GARIN6: variants seen among roughly 807,000 people sequenced by gnomAD.
The protein encoded by GARIN6 is Golgi-associated RAB2 interactor protein 6.
the GARIN6 span, chr12:99,649,162 TATAC>T: frequency 1.3e-6 from 1 of 769,814 alleles, no homozygotes; most frequent in Non-Finnish European, 2.2e-6. Flanking sequence ...TTGCCACTTA[TATAC>T]ATTGGTGGCA....
At chr12:99,649,137 C>T in the GARIN6 span, 19 of 677,388 alleles carry the variant, frequency 2.8e-5, no homozygotes, top group East Asian at 2.3e-4. Context: ...TGTTGTAGGA[C>T]GTGTCTCCCT....
the GARIN6 span, chr12:99,648,900 A>C: frequency 7.2e-7 from 1 of 1,395,132 alleles, no homozygotes; most frequent in Non-Finnish European, 9.5e-7. Flanking sequence ...TTGCATTTGG[A>C]AGGTCTGAAG....
At chr12:99,649,515 C>CG in the GARIN6 span, 2 of 761,182 alleles carry the variant, frequency 2.6e-6, no homozygotes, top group Non-Finnish European at 2.2e-6. Context: ...TGACAGTAAG[C>CG]ACCACCACAG....
the GARIN6 span, chr12:99,648,684 T>G: frequency 1.9e-6 from 3 of 1,613,994 alleles, no homozygotes; most frequent in African/African-American, 4.0e-5. Flanking sequence ...AAAACCTTGT[T>G]TACATCCTGA....
the GARIN6 span, chr12:99,648,714 C>T: frequency 1.2e-6 from 2 of 1,614,026 alleles, no homozygotes; most frequent in Admixed American, 3.3e-5. Flanking sequence ...TGGAGGCTTA[C>T]AGTGATACCA....
chr12:99,648,487 C>G, the GARIN6 span: 9 of 1,614,008 alleles, frequency 5.6e-6, no homozygotes, highest in Admixed American at 1.5e-4. Context: ...TCCTGCCACC[C>G]AGAAAAGAGA....
chr12:99,648,591 C>G, the GARIN6 span: 1 of 1,614,194 alleles, frequency 6.2e-7, no homozygotes, highest in Non-Finnish European at 8.5e-7. Context: ...AACAGCTCCA[C>G]CTGAAGCTTG....
At chr12:99,647,996 G>C in the GARIN6 span, 8 of 766,580 alleles carry the variant, frequency 1.0e-5, no homozygotes, top group East Asian at 2.2e-4. Context: ...GGCATTGAGC[G>C]GTTGGTAATC....
chr12:99,649,528 A>G, the GARIN6 span: 6 of 693,598 alleles, frequency 8.7e-6, no homozygotes, highest in Admixed American at 7.8e-5. Flanking sequence ...CACCACAGGT[A>G]CCATGGATGT....
the GARIN6 span, chr12:99,648,308 T>C: frequency 6.2e-7 from 1 of 1,613,980 alleles, no homozygotes; most frequent in Non-Finnish European, 8.5e-7. Context: ...TATGCACCCA[T>C]GTTTGAGAGC....
the GARIN6 span, chr12:99,648,791 T>C: frequency 5.6e-6 from 9 of 1,608,200 alleles, no homozygotes; most frequent in Non-Finnish European, 7.6e-6. Context: ...AGCCCAGTGG[T>C]GAGTCTATGC....
the GARIN6 span, chr12:99,647,971 G>A: frequency 3.0e-6 from 2 of 662,188 alleles, no homozygotes; most frequent in Non-Finnish European, 5.0e-6. Flanking sequence ...TGGATCCAGG[G>A]GACTGACTGT....
At chr12:99,648,010 A>T in the GARIN6 span, 3 of 935,218 alleles carry the variant, frequency 3.2e-6, no homozygotes, top group African/African-American at 5.0e-5. Flanking sequence ...GGTAATCAAT[A>T]CCCCACCCTC....
the GARIN6 span, chr12:99,648,642 GGATGCAAGTGAA>G: frequency 6.2e-7 from 1 of 1,614,142 alleles, no homozygotes; most frequent in East Asian, 2.2e-5. Flanking sequence ...GTCCTCCATC[GGATGCAAGTGAA>G]GACCTTTTTG....
At chr12:99,649,545 A>C in the GARIN6 span, 1 of 630,520 alleles carries the variant, frequency 1.6e-6, no homozygotes. Flanking sequence ...ATGTGGCTGC[A>C]ACCAAGTCTG....
At chr12:99,649,308 T>G in the GARIN6 span, 1 of 1,614,118 alleles carries the variant, frequency 6.2e-7, no homozygotes, top group Non-Finnish European at 8.5e-7. Context: ...TGAAGTTTTG[T>G]GAAGAGAAGG....
At chr12:99,648,573 C>T in the GARIN6 span, 29 of 1,614,128 alleles carry the variant, frequency 1.8e-5, no homozygotes, top group South Asian at 1.3e-4. Context: ...TCCACAACAG[C>T]GTAAAAAAAC....
chr12:99,647,757 G>A, the GARIN6 span: 1 of 192,226 alleles, frequency 5.2e-6, no homozygotes, highest in African/African-American at 2.3e-5. Context: ...TTTAGCAGCA[G>A]TGGATGGTTC....
At chr12:99,648,886 T>G in the GARIN6 span, 2 of 1,452,610 alleles carry the variant, frequency 1.4e-6, no homozygotes, top group Non-Finnish European at 1.8e-6. Context: ...ACCTGGGAAA[T>G]GCATTGCATT....
Sources: gnomAD v4.1 joint callset for allele counts on GRCh38, gnomAD v4.1.1 for gene constraint, MANE v1.5 for transcripts, NCBI Gene and HGNC (gene_info 2026-07-23, HGNC 2026-07-21) for gene names.